Variants in PCDHA1 observed in about 807,000 individuals in gnomAD.
PCDHA1 encodes protocadherin alpha-1.
In PCDHA1, 42 loss-of-function variants were observed where a neutral mutation model predicts 61.3. The observed-to-expected ratio is 0.69, with a 90% CI of 0.54 to 0.89. PCDHA1 has a LOEUF of 0.89. PCDHA1 is among the 40% of genes least tolerant of loss of function. PCDHA1 has a pLI of 0.00. For missense variants in PCDHA1, 1,256 were observed against 1,235.3 expected (o/e 1.02, Z -0.25); for synonymous variants, 610 against 553.8 (o/e 1.10, Z -1.43).
intron 1 of PCDHA1, chr5:140,870,531 G>C (rs1554164370): frequency 6.2e-7 from 1 of 1,614,196 alleles, no homozygotes; most frequent in Admixed American, 1.7e-5. Flanking sequence ...TCTTCACAGT[G>C]TCGGCGCGGG....
At chr5:140,931,675 A>G (rs2087672558) in intron 1 of PCDHA1, among the ~76,000 whole-genome samples, 1 of 151,968 alleles carries the variant, frequency 6.6e-6, no homozygotes, top group Admixed American at 6.5e-5. Context: ...TTCCTTATAA[A>G]TAAATGAATT....
intron 1 of PCDHA1, among the ~76,000 whole-genome samples, chr5:140,800,148 C>G (rs1456064596): frequency 6.6e-6 from 1 of 152,072 alleles, no homozygotes; most frequent in Non-Finnish European, 1.5e-5. Context: ...TTAGTATATA[C>G]AGGTAAATTC....
At chr5:140,863,396 G>A (rs782335492) in intron 1 of PCDHA1, 12 of 872,454 alleles carry the variant, frequency 1.4e-5, no homozygotes, top group South Asian at 8.9e-5. Context: ...TGCATGCCGG[G>A]CAAGCCCACG....
chr5:140,828,587 TCCATCTTAA>T, intron 1 of PCDHA1: 1 of 1,614,236 alleles, frequency 6.2e-7, no homozygotes, highest in African/African-American at 1.3e-5. Flanking sequence ...TGGCTCAAAT[TCCATCTTAA>T]CCTATAAACT....
At chr5:140,968,909 G>A (rs782304408) in intron 1 of PCDHA1, 7 of 1,614,172 alleles carry the variant, frequency 4.3e-6, no homozygotes, top group Non-Finnish European at 5.1e-6. Context: ...ATTAAGCACA[G>A]TGTCTTTTAT....
intron 1 of PCDHA1, among the ~76,000 whole-genome samples, chr5:140,791,931 G>A (rs570426593): frequency 8.0e-4 from 122 of 152,262 alleles, no homozygotes; most frequent in African/African-American, 2.7e-3. Flanking sequence ...ATAGATAGGT[G>A]CAAAGGGTAT....
At chr5:140,962,601 C>T (rs1227208523) in intron 1 of PCDHA1, among the ~76,000 whole-genome samples, 1 of 152,160 alleles carries the variant, frequency 6.6e-6, no homozygotes, top group African/African-American at 2.4e-5. Context: ...TGATATATTT[C>T]TTCTGGAGGA....
chr5:140,883,484 T>C, intron 1 of PCDHA1: 1 of 1,614,066 alleles, frequency 6.2e-7, no homozygotes, highest in Non-Finnish European at 8.5e-7. Flanking sequence ...GAACTACTAC[T>C]CATTAGTGCT....
intron 1 of PCDHA1, among the ~76,000 whole-genome samples, chr5:140,806,487 A>G (rs1223132599): frequency 4.6e-5 from 7 of 152,208 alleles, no homozygotes; most frequent in African/African-American, 1.7e-4. Flanking sequence ...TTCAGCCCTG[A>G]CATGACTCAA....
chr5:140,993,819 G>A (rs2097583362), intron 3 of PCDHA1, among the ~76,000 whole-genome samples: 1 of 152,142 alleles, frequency 6.6e-6, no homozygotes, highest in Non-Finnish European at 1.5e-5. Context: ...AGGAGCAATA[G>A]GCTATACCAT....
chr5:140,911,033 G>A lies in PCDHA1; in HGVS notation c.2395-67916G>A, dbSNP rs188656147. 2.0e-3 allele frequency among the ~76,000 whole-genome samples: 306 copies of A among 152,188 alleles called. 2 individuals are homozygous for A. The highest frequency in any genetic ancestry group is 7.0e-3 in the African/African-American group (291 of 41,532). On this transcript the variant is annotated intron_variant, in intron 1 of 3. Transcript: ENST00000504120. ...GGACTTTAGTCTAGTTATAGGTCTA[G>A]AAGCAAACAGGGGTGGTGGGGGGTG...
At chr5:140,892,891 C>T (rs563104545) in intron 1 of PCDHA1, among the ~76,000 whole-genome samples, 1 of 152,264 alleles carries the variant, frequency 6.6e-6, no homozygotes, top group South Asian at 2.1e-4. Context: ...ATTAACCAAC[C>T]TTTCCCCATC....
At chr5:140,938,881 A>T (rs2092243650) in intron 1 of PCDHA1, among the ~76,000 whole-genome samples, 1 of 152,088 alleles carries the variant, frequency 6.6e-6, no homozygotes, top group South Asian at 2.1e-4. Context: ...GAAGCAACAC[A>T]CACACACACA....
At chr5:140,868,100 AT>A (rs2050277597) in intron 1 of PCDHA1, 2 of 152,142 alleles carry the variant, frequency 1.3e-5, no homozygotes, top group South Asian at 4.1e-4. Context: ...TGATAATAAA[AT>A]TTATTTTATA....
chr5:140,815,884 G>A (rs1765807249), intron 1 of PCDHA1: 1 of 152,042 alleles, frequency 6.6e-6, no homozygotes, highest in Non-Finnish European at 1.5e-5. Context: ...TTTCTTTTCA[G>A]CACTTTCAGT....
intron 1 of PCDHA1, chr5:140,802,557 G>A (rs782054123): frequency 3.1e-6 from 5 of 1,614,054 alleles, no homozygotes; most frequent in Admixed American, 1.7e-5. Flanking sequence ...CAATGCGCCG[G>A]CATTCTCGCA....
chr5:140,877,225 G>T, intron 1 of PCDHA1: 1 of 1,613,746 alleles, frequency 6.2e-7, no homozygotes, highest in South Asian at 1.1e-5. Context: ...ACCGCGGTCG[G>T]TGGGTGCGGG....
chr5:140,915,389 G>T (rs1382922139), intron 1 of PCDHA1, among the ~76,000 whole-genome samples: 5 of 152,078 alleles, frequency 3.3e-5, no homozygotes, highest in African/African-American at 4.8e-5. Context: ...TGAAGAGCTA[G>T]GTATTTCTTA....
chr5:140,866,561 T>C (rs2049423335), intron 1 of PCDHA1: 1 of 152,136 alleles, frequency 6.6e-6, no homozygotes, highest in Non-Finnish European at 1.5e-5. Context: ...TCCTATAATT[T>C]TGTTAATACA....
Sources: gnomAD v4.1 joint callset for allele counts (sites outside exome capture counted in the v4.1 genomes callset) on GRCh38, gnomAD v4.1.1 for gene constraint, MANE v1.5 for transcripts, NCBI Gene and HGNC (gene_info 2026-07-23, HGNC 2026-07-21) for gene names.